The following FAM169A variants were observed in gnomAD, a reference collection of about 807,000 sequenced individuals.
The protein encoded by FAM169A is family with sequence similarity 169 member A.
FAM169A carries 24 observed loss-of-function variants against 75.7 expected under a neutral mutation model. The ratio of observed to expected loss-of-function variants is 0.32; its 90% confidence interval spans 0.23 to 0.45. The LOEUF (loss-of-function observed/expected upper bound fraction) is 0.45, where lower values mean the gene tolerates loss of function less well. Among genes scored for constraint, FAM169A ranks in the 20% least tolerant of loss-of-function variants. FAM169A has a pLI of 1.00. For synonymous variants in FAM169A, 271 were observed against 271.0 expected, an observed-to-expected ratio of 1.00 and a Z score of 0.00; for missense variants, 673 against 784.0, an observed-to-expected ratio of 0.86 and a Z score of 1.69.
intron 5 of FAM169A, among the ~76,000 whole-genome samples, chr5:74,815,348 C>A (rs925913375): frequency 3.3e-5 from 5 of 151,958 alleles, no homozygotes; most frequent in Non-Finnish European, 5.9e-5. Context: ...CGCCACCACA[C>A]CTGGCTAATT....
rs1026833020 is a variant in FAM169A, at chr5:74,778,853, G to A, written c.*2607C>T. 9 of 152,008 alleles carry A rather than the reference G, an allele frequency of 5.9e-5. No individual in the cohort carries two copies. The highest frequency in any genetic ancestry group is 1.2e-4 in the Non-Finnish European group (8 of 67,910). The allele number at this position is 152,008 out of a possible 1,614,324, so 9.4% of individuals were successfully genotyped here. A position where few individuals can be genotyped will look rare whatever the true frequency, so the allele number is the denominator to read the frequency against. On this transcript the variant is annotated 3_prime_UTR_variant, in exon 13 of 13. Transcript: ENST00000687041. ...TGGACATTCAACAACTAGACTAGCC[G>A]GTTGAAATCACATTTTCAGTCCTCT...
intron 6 of FAM169A, among the ~76,000 whole-genome samples, chr5:74,806,333 C>T (rs978180118): frequency 6.6e-6 from 1 of 152,130 alleles, no homozygotes; most frequent in East Asian, 1.9e-4. Context: ...AATAATGGTG[C>T]TGAAATAAAA....
intron 1 of FAM169A, among the ~76,000 whole-genome samples, chr5:74,848,376 G>GTC (rs1422657837): frequency 6.6e-6 from 1 of 152,018 alleles, no homozygotes; most frequent in Non-Finnish European, 1.5e-5. Context: ...CATACCACTA[G>GTC]TAAGACTAGA....
At chr5:74,819,589 CT>C (rs1747665840) in intron 5 of FAM169A, among the ~76,000 whole-genome samples, 1 of 152,170 alleles carries the variant, frequency 6.6e-6, no homozygotes, top group South Asian at 2.1e-4. Context: ...CAAACAACAA[CT>C]TGTATACAAT....
intron 4 of FAM169A, among the ~76,000 whole-genome samples, chr5:74,837,543 TA>T (rs1386536583): frequency 2.0e-5 from 3 of 152,144 alleles, no homozygotes; most frequent in African/African-American, 7.2e-5. Flanking sequence ...AGGGAAGAAA[TA>T]AAAACACCCT....
intron 12 of FAM169A, 95 bp downstream of exon 12, chr5:74,782,836 T>C (rs1745479298): frequency 2.6e-6 from 2 of 783,896 alleles, no homozygotes. Flanking sequence ...ACTGTACATG[T>C]AAAGGTGGAA....
intron 11 of FAM169A, among the ~76,000 whole-genome samples, chr5:74,785,591 C>T (rs1014269208): frequency 2.6e-5 from 4 of 152,086 alleles, no homozygotes; most frequent in Non-Finnish European, 4.4e-5. Context: ...GGCAAAAACC[C>T]CATCTCTACT....
chr5:74,836,705 T>C (rs868755835), intron 4 of FAM169A, among the ~76,000 whole-genome samples: 4 of 152,096 alleles, frequency 2.6e-5, no homozygotes, highest in Admixed American at 6.5e-5. Flanking sequence ...CCCAGCACTG[T>C]GGGAGGCCAA....
chr5:74,798,945 C>T, intron 10 of FAM169A: 1 of 864,084 alleles, frequency 1.2e-6, no homozygotes, highest in African/African-American at 1.7e-5. Flanking sequence ...CCAAGACCGT[C>T]CGGACTGCCC....
intron 5 of FAM169A, among the ~76,000 whole-genome samples, chr5:74,826,631 A>G (rs993838567): frequency 1.3e-5 from 2 of 152,206 alleles, no homozygotes; most frequent in Non-Finnish European, 2.9e-5. Context: ...CATATTGTTG[A>G]CTTTTAAAAA....
intron 6 of FAM169A, among the ~76,000 whole-genome samples, chr5:74,808,280 C>T (rs974416406): frequency 2.0e-5 from 3 of 152,130 alleles, no homozygotes; most frequent in African/African-American, 7.2e-5. Flanking sequence ...CAAAAGAATA[C>T]TATCCAGCCA....
At chr5:74,793,809 C>T (rs1746106398) in intron 11 of FAM169A, among the ~76,000 whole-genome samples, 1 of 151,918 alleles carries the variant, frequency 6.6e-6, no homozygotes, top group African/African-American at 2.4e-5. Context: ...CAAGACAATA[C>T]TGGCTAACAT....
chr5:74,843,419 CCT>C (rs1393254857), intron 1 of FAM169A, among the ~76,000 whole-genome samples: 1 of 151,892 alleles, frequency 6.6e-6, no homozygotes, highest in East Asian at 1.9e-4. Context: ...AAGAATGCAC[CCT>C]GTCGGAGATT....
At chr5:74,836,420 A>G (rs1341725862) in intron 4 of FAM169A, among the ~76,000 whole-genome samples, 2 of 152,242 alleles carry the variant, frequency 1.3e-5, no homozygotes, top group African/African-American at 2.4e-5. Context: ...GACAAAATGA[A>G]GGACACAATG....
At chr5:74,844,332 T>C (rs959269385) in intron 1 of FAM169A, among the ~76,000 whole-genome samples, 1 of 151,916 alleles carries the variant, frequency 6.6e-6, no homozygotes. Flanking sequence ...TATGGTGGTA[T>C]GCACCTGTAG....
chr5:74,848,794 TACTATAGTTTAG>T (rs1749291267), intron 1 of FAM169A: 1 of 152,224 alleles, frequency 6.6e-6, no homozygotes, highest in Non-Finnish European at 1.5e-5. Context: ...GTGGTTCTGC[TACTATAGTTTAG>T]AGAGGCAGCG....
At position 74,826,175 on chromosome 5, in the gene FAM169A, T is replaced by A. The variant is rs561022790; in HGVS notation, c.490+8251A>T. On this transcript the variant is annotated intron_variant, in intron 5 of 12. Transcript: ENST00000687041. The stretch of plus-strand genomic sequence containing the variant: ...CTAAGAGCTCTGTGAACATTCTTGT[T>A]CTTATTTCATAAATGCAATGACTAA... 1.4e-3 allele frequency among the ~76,000 whole-genome samples: 207 copies of A among 152,318 alleles called. 2 individuals carry two copies. The highest frequency in any genetic ancestry group is 0.011 in the South Asian group (55 of 4,830).
At chr5:74,838,083 C>T (rs1580147299) in intron 4 of FAM169A, among the ~76,000 whole-genome samples, 2 of 140,512 alleles carry the variant, frequency 1.4e-5, no homozygotes, top group South Asian at 4.5e-4. Context: ...CACCCCACTC[C>T]AGCCTAGGCG....
chr5:74,812,115 CTTATT>C (rs2112569811), intron 6 of FAM169A, among the ~76,000 whole-genome samples: 1 of 152,200 alleles, frequency 6.6e-6, no homozygotes, highest in Admixed American at 6.5e-5. Context: ...TATTTGATAT[CTTATT>C]TTTATTTCTT....
Sources: gnomAD v4.1 joint callset for allele counts (sites outside exome capture counted in the v4.1 genomes callset) on GRCh38, gnomAD v4.1.1 for gene constraint, MANE v1.5 for transcripts, NCBI Gene and HGNC (gene_info 2026-07-23, HGNC 2026-07-21) for gene names.